The following SEMA3E variants were observed in gnomAD, a reference collection of about 807,000 sequenced individuals.
The protein encoded by SEMA3E is semaphorin 3E, also known as semaphorin-3E.
SEMA3E carries 49 observed loss-of-function variants against 93.6 expected under a neutral mutation model. The observed-to-expected ratio is 0.52, with a 90% CI of 0.42 to 0.66. SEMA3E has a LOEUF of 0.66. Ranked by LOEUF, SEMA3E falls within the 30% of genes least tolerant of loss-of-function variation. The pLI, the probability that SEMA3E is intolerant of heterozygous loss-of-function variation, is 0.00. For missense variants in SEMA3E, 906 were observed against 964.8 expected (o/e 0.94, Z 0.81); for synonymous variants, 363 against 330.7 (o/e 1.10, Z -1.06).
At chr7:83,512,515 A>T (rs552641373) in intron 1 of SEMA3E, among the ~76,000 whole-genome samples, 12 of 152,340 alleles carry the variant, frequency 7.9e-5, no homozygotes, top group African/African-American at 2.9e-4. Context: ...TTCAAAAAAG[A>T]TATTACGTTT....
chr7:83,494,683 T>G (rs567210294), intron 1 of SEMA3E, among the ~76,000 whole-genome samples: 1 of 152,094 alleles, frequency 6.6e-6, no homozygotes, highest in African/African-American at 2.4e-5. Context: ...CTTGCTTCTC[T>G]TAATGCCACC....
intron 4 of SEMA3E, among the ~76,000 whole-genome samples, chr7:83,428,648 T>C (rs1188908532): frequency 6.6e-6 from 1 of 152,094 alleles, no homozygotes; most frequent in African/African-American, 2.4e-5. Context: ...TCCCAAAGAC[T>C]AAATAAACAA....
Position 83,457,049 on chromosome 7 carries a change from C to T in SEMA3E, c.456+9433G>A, listed in dbSNP as rs1379390974. ...TATTAACTATCATTTTAAAACTTTT[C>T]TTTTTCAAATGTAATTCGGATTTTG... On this transcript the variant is annotated intron_variant, in intron 4 of 16. Coordinates refer to ENST00000643230, the MANE Select transcript of SEMA3E (RefSeq NM_012431.3). Among the ~76,000 whole-genome samples, 5 of 152,268 alleles carry T rather than the reference C, an allele frequency of 3.3e-5. No individual in the cohort carries two copies. In the South Asian group the frequency reaches 8.3e-4, roughly 25 times the overall value.
intron 2 of SEMA3E, among the ~76,000 whole-genome samples, chr7:83,481,815 T>C (rs184983104): frequency 1.3e-5 from 2 of 152,336 alleles, no homozygotes; most frequent in African/African-American, 4.8e-5. Context: ...TCTTATCTAT[T>C]TCAAAGTTGT....
At chr7:83,411,044 T>C (rs1329226080) in intron 5 of SEMA3E, among the ~76,000 whole-genome samples, 1 of 152,050 alleles carries the variant, frequency 6.6e-6, no homozygotes, top group Non-Finnish European at 1.5e-5. Flanking sequence ...TAATTGAAAA[T>C]ATTTTTATGG....
intron 1 of SEMA3E, among the ~76,000 whole-genome samples, chr7:83,592,692 G>A (rs215314): frequency 0.57 from 86,648 of 151,926 alleles, 26,378 homozygotes; most frequent in African/African-American, 0.79. Flanking sequence ...GTAGAAAAAT[G>A]TCTCAACTGA....
At chr7:83,616,222 T>C (rs892664338) in intron 1 of SEMA3E, among the ~76,000 whole-genome samples, 2 of 152,156 alleles carry the variant, frequency 1.3e-5, no homozygotes, top group Non-Finnish European at 2.9e-5. Context: ...CAAACTGTGG[T>C]AGTAATTATG....
chr7:83,564,842 T>G (rs1330748596), intron 1 of SEMA3E, among the ~76,000 whole-genome samples: 1 of 152,118 alleles, frequency 6.6e-6, no homozygotes, highest in Admixed American at 6.6e-5. Context: ...AATGATGGGT[T>G]TTAAAAGTTT....
rs1008663797 is a variant in SEMA3E at position 83,363,822 on chromosome 7, A to C, written c.*3764T>G. ...CTATACAATACTAAGTACTTTTCTT[A>C]ATATGTTTATTAGGCTACAGGTGTC... On this transcript the variant is annotated 3_prime_UTR_variant, in exon 17 of 17. Coordinates refer to ENST00000643230, the MANE Select transcript of SEMA3E (RefSeq NM_012431.3). 6.8e-6 allele frequency: 1 copy of C among 146,372 alleles called. No individual in the cohort carries two copies. The highest frequency in any genetic ancestry group is 1.5e-5 in the Non-Finnish European group (1 of 67,160). 9.1% of individuals were successfully genotyped at this position (146,372 alleles called of 1,614,324 possible). A position where few individuals can be genotyped will look rare whatever the true frequency, so the allele number is the denominator to read the frequency against.
chr7:83,624,263 T>C lies in SEMA3E; in HGVS notation c.115+24165A>G, dbSNP rs562947513. ...TCAGTAATGAGATCACTGGGTCAAA[T>C]GGTATTTCTAGTTGTAGGTCCTTGA... On this transcript the variant is annotated intron_variant, in intron 1 of 16. Transcript: ENST00000643230. Among the ~76,000 whole-genome samples the C allele has an allele frequency of 1.4e-4, 21 of 152,302 alleles. 1 individual carries two copies. The South Asian group carries it at 3.5e-3, about 26-fold the overall frequency.
At chr7:83,510,275 A>G (rs1487511126) in intron 1 of SEMA3E, among the ~76,000 whole-genome samples, 3 of 152,170 alleles carry the variant, frequency 2.0e-5, no homozygotes, top group Non-Finnish European at 4.4e-5. Context: ...ATAATAAGGC[A>G]TTGTCTTCAA....
Position 83,434,449 on chromosome 7 carries a change from G to A in SEMA3E, c.457-15966C>T, listed in dbSNP as rs13221292. Among the ~76,000 whole-genome samples the A allele has an allele frequency of 2.8e-3, 431 of 152,204 alleles. 2 individuals carry two copies. The highest frequency in any genetic ancestry group is 4.8e-3 in the Non-Finnish European group (329 of 68,004). ...TCTCAAAGCAAACTTTATTAAATTAGAATTCATCCAATATGCTTTCAACTT... is the reference window on the plus strand; with the variant it reads ...TCTCAAAGCAAACTTTATTAAATTAAAATTCATCCAATATGCTTTCAACTT... On this transcript the variant is annotated intron_variant, in intron 4 of 16. Coordinates refer to ENST00000643230, the MANE Select transcript of SEMA3E (RefSeq NM_012431.3).
intron 1 of SEMA3E, among the ~76,000 whole-genome samples, chr7:83,499,456 G>A (rs893474149): frequency 6.6e-6 from 1 of 152,128 alleles, no homozygotes; most frequent in African/African-American, 2.4e-5. Flanking sequence ...ATTATAAGGT[G>A]AGGTTAAGCA....
chr7:83,460,521 C>T (rs528421059), intron 4 of SEMA3E, among the ~76,000 whole-genome samples: 16 of 152,084 alleles, frequency 1.1e-4, no homozygotes, highest in African/African-American at 3.1e-4. Flanking sequence ...TGTCAGACCA[C>T]GCAGGGATGC....
chr7:83,424,934 GGTAGCTGGATCCCAGTCTCCAGTGACAAT>G, intron 4 of SEMA3E: 1 of 272,200 alleles, frequency 3.7e-6, no homozygotes, highest in Non-Finnish European at 7.5e-6. Context: ...TGTGTGGGAG[GGTAGCTGGATCCCAGTCTCCAGTGACAAT>G]GTAGCTGATC....
rs1048024406 is a variant in SEMA3E at position 83,365,673 on chromosome 7, AATG to A, written c.*1910_*1912del. On this transcript the variant is annotated 3_prime_UTR_variant, in exon 17 of 17. Coordinates refer to ENST00000643230, the MANE Select transcript of SEMA3E (RefSeq NM_012431.3). ...TACTTGTCTGTGTTATTGCAATTAA[AATG>A]ATAACTATTTATGTCTTATCTGCCT... The A allele has an allele frequency of 5.9e-5, 9 of 152,174 alleles. No homozygotes were observed. Among genetic ancestry groups the A allele is most frequent in the East Asian group, 1.9e-4 (1 of 5,196 alleles). 9.4% of individuals were successfully genotyped at this position (152,174 alleles called of 1,614,324 possible).
intron 1 of SEMA3E, among the ~76,000 whole-genome samples, chr7:83,619,640 A>G (rs1018102769): frequency 1.3e-5 from 2 of 151,844 alleles, no homozygotes; most frequent in East Asian, 1.9e-4. Context: ...AAATGACACA[A>G]CTTATTAATA....
intron 1 of SEMA3E, among the ~76,000 whole-genome samples, chr7:83,627,628 CTTTTTTTT>C (rs746550123): frequency 1.5e-5 from 1 of 65,346 alleles, no homozygotes; most frequent in Admixed American, 2.0e-4. Context: ...GCAACCCCTG[CTTTTTTTT>C]TTTTTTTTTT....
At chr7:83,440,271 AGAG>A (rs1584250366) in intron 4 of SEMA3E, among the ~76,000 whole-genome samples, 1 of 152,216 alleles carries the variant, frequency 6.6e-6, no homozygotes, top group African/African-American at 2.4e-5. Flanking sequence ...TGTTATGAGA[AGAG>A]GAGAACATAG....
Sources: gnomAD v4.1 joint callset for allele counts (sites outside exome capture counted in the v4.1 genomes callset) on GRCh38, gnomAD v4.1.1 for gene constraint, MANE v1.5 for transcripts, NCBI Gene and HGNC (gene_info 2026-07-23, HGNC 2026-07-21) for gene names.